EFCAB5: variants seen among roughly 807,000 people sequenced by gnomAD.
The protein encoded by EFCAB5 is EF-hand calcium binding domain 5, also known as EF-hand calcium-binding domain-containing protein 5.
Under a neutral mutation model 167.9 loss-of-function variants are expected in EFCAB5, and 131 were observed. The observed-to-expected ratio is 0.78, with a 90% CI of 0.68 to 0.90. The LOEUF (loss-of-function observed/expected upper bound fraction) is 0.90. Among genes scored for constraint, EFCAB5 ranks in the 40% least tolerant of loss-of-function variants. The pLI, the probability that EFCAB5 is intolerant of heterozygous loss-of-function variation, is 0.00. For synonymous variants in EFCAB5, 574 were observed against 602.8 expected (o/e 0.95, Z 0.70); for missense variants, 1,663 against 1,745.2 (o/e 0.95, Z 0.84).
chr17:29,996,600 T>A (rs570577973), intron 6 of EFCAB5, among the ~76,000 whole-genome samples: 1 of 152,328 alleles, frequency 6.6e-6, no homozygotes, highest in South Asian at 2.1e-4. Context: ...TCTTTTATTA[T>A]CCTATGACAT....
chr17:30,010,022 G>A (rs1418044878), intron 7 of EFCAB5, among the ~76,000 whole-genome samples: 1 of 152,106 alleles, frequency 6.6e-6, no homozygotes, highest in Admixed American at 6.6e-5. Flanking sequence ...TGTTCTCATT[G>A]TTCAATTCCC....
chr17:30,048,490 T>TC (rs1026109729), intron 8 of EFCAB5, among the ~76,000 whole-genome samples: 3 of 150,942 alleles, frequency 2.0e-5, no homozygotes, highest in African/African-American at 7.3e-5. Context: ...GGAGGATACT[T>TC]CTTTTTTTTT....
intron 14 of EFCAB5, among the ~76,000 whole-genome samples, chr17:30,062,865 A>G (rs2070461781): frequency 6.6e-6 from 1 of 152,038 alleles, no homozygotes; most frequent in African/African-American, 2.4e-5. Context: ...TGGCCACTCA[A>G]AGCAGTCATT....
chr17:30,069,467 A>C (rs1465408278), intron 14 of EFCAB5: 1 of 1,580,296 alleles, frequency 6.3e-7, no homozygotes, highest in Non-Finnish European at 8.7e-7. Context: ...GGAAGCTGAG[A>C]TTGATGGCGT....
rs772620143 is a variant in EFCAB5, at chr17:30,053,505, A to G, written c.1551A>G (p.Gly517=). The G allele has an allele frequency of 6.2e-7, 1 of 1,613,880 alleles. No homozygotes were observed. Among genetic ancestry groups the G allele is most frequent in the East Asian group, 2.2e-5 (1 of 44,896 alleles). The part of the protein sequence containing the change: ...EQQRGVTAEQ[G]PQRISIEEQQ... The stretch of plus-strand genomic sequence containing the variant: ...AGAGAGGAGTAACTGCAGAACAAGG[A>G]CCACAAAGAATTTCAATTGAAGAAC... Residue 517 remains glycine (G), a synonymous_variant, in exon 10 of 23, where the codon GGA becomes GGG. Coordinates refer to ENST00000394835, the MANE Select transcript of EFCAB5 (RefSeq NM_198529.4).
In EFCAB5 at chr17:30,092,012, A is replaced by T. The variant is rs913015988; in HGVS notation, c.4079A>T (p.Glu1360Val). The change falls in exon 21 of 23, where the codon GAG (glutamate) becomes GTG (valine). Residue 1360 changes from glutamate to valine, a missense_variant. Transcript: ENST00000394835. ...LLLYDHTLVTEPNSPQDSKSM... is the reference protein window; with the variant it reads ...LLLYDHTLVTVPNSPQDSKSM... Reference sequence around the variant, plus strand: ...CTCTATGACCATACTCTTGTAACAGAGCCAAATTCTCCTCAAGACAGCAAA... The same window carrying T: ...CTCTATGACCATACTCTTGTAACAGTGCCAAATTCTCCTCAAGACAGCAAA... 2 of 1,613,856 alleles carry T rather than the reference A, an allele frequency of 1.2e-6. No homozygotes were observed. Among genetic ancestry groups the T allele is most frequent in the Non-Finnish European group, 1.7e-6 (2 of 1,179,876 alleles).
In EFCAB5 at chr17:30,090,658, G is replaced by GA; in HGVS notation, c.3927dup (p.Tyr1310IlefsTer6). On this transcript the variant is annotated frameshift_variant, in exon 20 of 23. Coordinates refer to ENST00000394835, the MANE Select transcript of EFCAB5 (RefSeq NM_198529.4). LOFTEE classifies it high-confidence loss of function. ...TTGGCGAGTTCTCTGGAGAGATAAA[G>GA]AAAAAATATATCTTAGGTATCGTTC... 1.2e-6 allele frequency: 2 copies of GA among 1,609,702 alleles called. No individual in the cohort carries two copies. The highest frequency in any genetic ancestry group is 1.7e-6 in the Non-Finnish European group (2 of 1,178,766).
In EFCAB5 at chr17:30,080,078, G is replaced by A; in HGVS notation, c.3034G>A (p.Glu1012Lys). 6.2e-7 allele frequency: 1 copy of A among 1,605,788 alleles called. No homozygotes were observed. The highest frequency in any genetic ancestry group is 1.3e-5 in the African/African-American group (1 of 74,628). The part of the protein sequence containing the change: ...ETFKALMQDA[E>K]AHGNKKISAH... ...CGGAAACGTTTTGCTGTAGGATGCT[G>A]AAGCCCATGGAAATAAAAAGATCAG... The change falls in exon 16 of 23, where the codon GAA becomes AAA. Residue 1012 changes from glutamate to lysine, a missense_variant. Glu to Lys is a moderately conservative substitution (Grantham distance 56). Transcript: ENST00000394835.
chr17:30,078,685 A>T (rs2070920683), intron 15 of EFCAB5, among the ~76,000 whole-genome samples, 181 bp downstream of exon 15: 1 of 152,296 alleles, frequency 6.6e-6, no homozygotes, highest in Non-Finnish European at 1.5e-5. Flanking sequence ...AACTGGAGTG[A>T]CTGCTGGTTG....
chr17:30,092,972 C>T, intron 22 of EFCAB5, 36 bp downstream of exon 22: 2 of 1,483,458 alleles, frequency 1.3e-6, no homozygotes, highest in East Asian at 2.4e-5. Context: ...AAATCTATGC[C>T]AACAGCAATA....
intron 4 of EFCAB5, among the ~76,000 whole-genome samples, chr17:29,975,411 A>G (rs960659146): frequency 4.6e-5 from 7 of 152,036 alleles, no homozygotes; most frequent in African/African-American, 1.7e-4. Context: ...GCGTACCACC[A>G]TGCCCAGCTA....
chr17:30,000,528 G>A (rs2068639691), intron 7 of EFCAB5, among the ~76,000 whole-genome samples: 1 of 152,136 alleles, frequency 6.6e-6, no homozygotes, highest in African/African-American at 2.4e-5. Context: ...GCAATTTAAT[G>A]GTACTAGAGT....
intron 8 of EFCAB5, among the ~76,000 whole-genome samples, chr17:30,048,734 T>A (rs1378980392): frequency 1.3e-5 from 2 of 152,130 alleles, no homozygotes; most frequent in African/African-American, 2.4e-5. Flanking sequence ...GTGATCCGCC[T>A]ACCCCAGCAT....
At chr17:29,957,649 G>A (rs1261957981) in intron 3 of EFCAB5, among the ~76,000 whole-genome samples, 1 of 152,128 alleles carries the variant, frequency 6.6e-6, no homozygotes. Flanking sequence ...TCCCTGCAAA[G>A]GACATGATCT....
intron 14 of EFCAB5, among the ~76,000 whole-genome samples, chr17:30,060,913 A>T: frequency 6.6e-6 from 1 of 152,238 alleles, no homozygotes; most frequent in African/African-American, 2.4e-5. Flanking sequence ...AAGTTCCTTA[A>T]CTTCCATAGA....
intron 8 of EFCAB5, among the ~76,000 whole-genome samples, chr17:30,044,001 CTA>C (rs2069847855): frequency 6.6e-6 from 1 of 151,970 alleles, no homozygotes; most frequent in Non-Finnish European, 1.5e-5. Context: ...GAAATGACAG[CTA>C]TAGACTGGGA....
chr17:30,068,670 G>C (rs1567756040), intron 14 of EFCAB5: 2 of 1,558,314 alleles, frequency 1.3e-6, no homozygotes, highest in Non-Finnish European at 1.7e-6. Context: ...CCAGCGTCAA[G>C]ACCGTGAAGA....
At chr17:29,960,488 T>C (rs2067699616) in intron 3 of EFCAB5, among the ~76,000 whole-genome samples, 1 of 152,190 alleles carries the variant, frequency 6.6e-6, no homozygotes, top group Non-Finnish European at 1.5e-5. Flanking sequence ...GCAGGTTTGT[T>C]ACATAGGTAA....
chr17:30,108,118 G>T lies in EFCAB5; in HGVS notation c.*94G>T, dbSNP rs1448752344. The stretch of plus-strand genomic sequence containing the variant: ...TATAAAATATTTTCCATTGGAAAGG[G>T]GTACCTATAAATGTCTTCTGCTGCT... On this transcript the variant is annotated 3_prime_UTR_variant, in exon 23 of 23. Transcript: ENST00000394835. The T allele has an allele frequency of 7.3e-7, 1 of 1,367,920 alleles. No homozygotes were observed. Among genetic ancestry groups the T allele is most frequent in the Admixed American group, 2.5e-5 (1 of 39,490 alleles). The allele number at this position is 1,367,920 out of a possible 1,614,324, so 84.7% of individuals were successfully genotyped here. A position where few individuals can be genotyped will look rare whatever the true frequency, so the allele number is the denominator to read the frequency against.
Sources: gnomAD v4.1 joint callset for allele counts (sites outside exome capture counted in the v4.1 genomes callset) on GRCh38, gnomAD v4.1.1 for gene constraint, MANE v1.5 for transcripts, NCBI Gene and HGNC (gene_info 2026-07-23, HGNC 2026-07-21) for gene names.